ZNF714: variants seen among roughly 807,000 people sequenced by gnomAD.
ZNF714 encodes zinc finger protein 714.
ZNF714 carries 32 observed loss-of-function variants against 46.2 expected under a neutral mutation model. The observed-to-expected ratio is 0.69, with a 90% confidence interval of 0.52 to 0.93. The LOEUF is 0.93. Ranked by LOEUF, ZNF714 falls within the 40% of genes least tolerant of loss-of-function variation. The pLI is 0.00. For synonymous variants in ZNF714, 199 were observed against 213.1 expected (o/e 0.93, Z 0.58); for missense variants, 635 against 646.3 (o/e 0.98, Z 0.19).
intron 4 of ZNF714, among the ~76,000 whole-genome samples, chr19:21,104,513 A>G (rs1048012932): frequency 1.4e-5 from 2 of 142,986 alleles, no homozygotes; most frequent in Admixed American, 1.5e-4. Context: ...TTTTATTTTC[A>G]TTGCATCATC....
At chr19:21,090,326 G>C (rs1968880823) in intron 2 of ZNF714, among the ~76,000 whole-genome samples, 1 of 152,208 alleles carries the variant, frequency 6.6e-6, no homozygotes, top group Non-Finnish European at 1.5e-5. Context: ...CTGCTTCTTG[G>C]TAGGAAAGAT....
intron 2 of ZNF714, chr19:21,091,099 G>T (rs1166424879): frequency 6.6e-6 from 1 of 151,996 alleles, no homozygotes; most frequent in Non-Finnish European, 1.5e-5. Flanking sequence ...GGCCAGGATG[G>T]TCTCAATCTG....
chr19:21,098,784 A>C (rs1969100829), intron 3 of ZNF714, 28 bp from the exon 4 acceptor site: 1 of 1,531,542 alleles, frequency 6.5e-7, no homozygotes. Flanking sequence ...AATATAAGCA[A>C]GATTTATGCT....
chr19:21,098,937 A>G (rs1209723576), intron 4 of ZNF714, 27 bp downstream of exon 4: 4 of 1,316,432 alleles, frequency 3.0e-6, no homozygotes, highest in African/African-American at 3.0e-5. Flanking sequence ...ACAACAGATG[A>G]CACAGATGAG....
At position 21,098,079 on chromosome 19, in the gene ZNF714, G is replaced by A. The variant is rs563009995; in HGVS notation, c.-84-106G>A. ...TGGATAATTTCAGTTATTCTTATAA[G>A]TCAACCAATTCTCTTTACTCTCTCA... On this transcript the variant is annotated intron_variant, in intron 2 of 4. Transcript: ENST00000456283. 476 of 1,452,878 alleles carry A rather than the reference G, an allele frequency of 3.3e-4. 10 individuals are homozygous for A. The South Asian group carries it at 6.5e-3, about 20-fold the overall frequency. The allele number at this position is 1,452,878 out of a possible 1,614,324, so 90.0% of individuals were successfully genotyped here.
chr19:21,113,512 CTT>C (rs35197492), intron 4 of ZNF714, among the ~76,000 whole-genome samples: 70 of 135,676 alleles, frequency 5.2e-4, no homozygotes, highest in South Asian at 4.9e-4. Flanking sequence ...CTTTTTTCTT[CTT>C]TTTTTTTTTT....
chr19:21,082,468 T>C, intron 1 of ZNF714, 120 bp downstream of exon 1: 3 of 1,021,256 alleles, frequency 2.9e-6, no homozygotes, highest in Non-Finnish European at 4.2e-6. Flanking sequence ...CGCCCGGAGT[T>C]CTCCTTGCTC....
intron 2 of ZNF714, among the ~76,000 whole-genome samples, chr19:21,093,264 C>T (rs1860198283): frequency 6.6e-6 from 1 of 151,384 alleles, no homozygotes; most frequent in African/African-American, 2.4e-5. Flanking sequence ...GGAGTTTTCA[C>T]TCTTGTTGCC....
intron 2 of ZNF714, among the ~76,000 whole-genome samples, chr19:21,095,952 G>C (rs1292633397): frequency 6.6e-6 from 1 of 152,090 alleles, no homozygotes; most frequent in African/African-American, 2.4e-5. Context: ...TGAAACTCCA[G>C]GGCCTCATAT....
Position 21,118,297 on chromosome 19 carries a change from C to CA in ZNF714, c.1638dup (p.Phe547IlefsTer32). The CA allele has an allele frequency of 1.7e-6, 2 of 1,150,360 alleles. No homozygotes were observed. Among genetic ancestry groups the CA allele is most frequent in the Non-Finnish European group, 2.4e-6 (2 of 819,006 alleles). 71.3% of individuals were successfully genotyped at this position (1,150,360 alleles called of 1,614,324 possible). A position where few individuals can be genotyped will look rare whatever the true frequency, so the allele number is the denominator to read the frequency against. The stretch of plus-strand genomic sequence containing the variant: ...TAAAACCCCATCTCTACTAAAAATA[C>CA]AAAAATTTGCTGGGTGTGGTGGCAG... On this transcript the variant is annotated frameshift_variant, in exon 5 of 5. Transcript: ENST00000456283. LOFTEE classifies it high-confidence loss of function.
chr19:21,108,700 A>C (rs1313455094), intron 4 of ZNF714, among the ~76,000 whole-genome samples: 1 of 152,210 alleles, frequency 6.6e-6, no homozygotes, highest in African/African-American at 2.4e-5. Context: ...TGTGAGCCAA[A>C]TAAACCTTCT....
Position 21,105,311 on chromosome 19 carries a change from G to T in ZNF714, c.142+6401G>T, listed in dbSNP as rs143096165. Among the ~76,000 whole-genome samples the T allele has an allele frequency of 4.2e-3, 637 of 151,660 alleles. 6 individuals are homozygous for T. Among genetic ancestry groups the T allele is most frequent in the African/African-American group, 0.014 (585 of 41,350 alleles). On this transcript the variant is annotated intron_variant, in intron 4 of 4. Transcript: ENST00000456283. ...GCTGGGATTACCTGCGTGAGCCACC[G>T]GGCCTGGCCTTACTTTTTCATTTCT...
chr19:21,086,770 C>T (rs983314579), intron 2 of ZNF714, among the ~76,000 whole-genome samples: 3 of 152,182 alleles, frequency 2.0e-5, no homozygotes, highest in African/African-American at 7.2e-5. Context: ...TAGATTTTCT[C>T]TGGTTCCATA....
At chr19:21,100,859 CACT>C (rs1373392993) in intron 4 of ZNF714, among the ~76,000 whole-genome samples, 4 of 150,276 alleles carry the variant, frequency 2.7e-5, no homozygotes, top group South Asian at 4.3e-4. Context: ...AGGCGCCCAC[CACT>C]ACACCTGGCT....
At chr19:21,103,436 C>T (rs1482420469) in intron 4 of ZNF714, among the ~76,000 whole-genome samples, 1 of 151,830 alleles carries the variant, frequency 6.6e-6, no homozygotes, top group Non-Finnish European at 1.5e-5. Flanking sequence ...GCCTGTTGTT[C>T]GGGCTACACA....
At chr19:21,083,503 A>T (rs1263669609) in intron 1 of ZNF714, among the ~76,000 whole-genome samples, 2 of 151,820 alleles carry the variant, frequency 1.3e-5, no homozygotes, top group African/African-American at 4.8e-5. Context: ...CTCCAGCCTC[A>T]CTCTGGCTTG....
At chr19:21,107,024 G>T (rs767078491) in intron 4 of ZNF714, among the ~76,000 whole-genome samples, 3 of 151,898 alleles carry the variant, frequency 2.0e-5, no homozygotes, top group Non-Finnish European at 2.9e-5. Context: ...ACAGGATTTC[G>T]CCATGTTGGC....
chr19:21,097,100 T>A (rs1349184533), intron 2 of ZNF714, among the ~76,000 whole-genome samples: 1 of 152,014 alleles, frequency 6.6e-6, no homozygotes, highest in East Asian at 1.9e-4. Flanking sequence ...TCTCCTGACA[T>A]CATGATCCGC....
intron 4 of ZNF714, among the ~76,000 whole-genome samples, chr19:21,106,907 A>C (rs1409907084): frequency 1.3e-5 from 2 of 151,800 alleles, no homozygotes; most frequent in Non-Finnish European, 2.9e-5. Context: ...GGCTCACTGC[A>C]CCTCTGCCTC....
Sources: gnomAD v4.1 joint callset for allele counts (sites outside exome capture counted in the v4.1 genomes callset) on GRCh38, gnomAD v4.1.1 for gene constraint, MANE v1.5 for transcripts, NCBI Gene and HGNC (gene_info 2026-07-23, HGNC 2026-07-21) for gene names.